MGRN1: variants seen among roughly 807,000 people sequenced by gnomAD.
MGRN1 encodes E3 ubiquitin-protein ligase MGRN1.
MGRN1 carries 29 observed loss-of-function variants against 69.2 expected under a neutral mutation model. That is an observed-to-expected ratio of 0.42 (90% CI 0.31 to 0.57). The LOEUF (loss-of-function observed/expected upper bound fraction) is 0.57, where lower values mean the gene tolerates loss of function less well. MGRN1 is among the 20% of genes least tolerant of loss of function. The pLI is 0.15. For missense variants in MGRN1, 998 were observed against 796.2 expected (o/e 1.25, Z -3.05); for synonymous variants, 470 against 344.2 (o/e 1.37, Z -4.04).
intron 1 of MGRN1, among the ~76,000 whole-genome samples, chr16:4,632,288 A>G (rs1898049631): frequency 8.9e-6 from 1 of 112,772 alleles, no homozygotes; most frequent in Non-Finnish European, 2.3e-5. Flanking sequence ...AGCTGGTATT[A>G]CAGGCATGAG....
At position 4,688,809 on chromosome 16, in the gene MGRN1, C is replaced by T. The variant is rs1287618844; in HGVS notation, c.1632C>T (p.Ser544=). The change falls in exon 17 of 17, where the codon TCC becomes TCT. Residue 544 remains serine (S), a synonymous_variant. Coordinates refer to ENST00000262370, the MANE Select transcript of MGRN1 (RefSeq NM_015246.4). The part of the protein sequence containing the change: ...ADIYLPGRPT[S]METAHGLATT... Reference sequence around the variant, plus strand: ...TCCCACCTGCAGGACGGCCCACCTCCATGGAGACGGCCCACGGCCTCGCCA... The same window carrying T: ...TCCCACCTGCAGGACGGCCCACCTCTATGGAGACGGCCCACGGCCTCGCCA... The T allele has an allele frequency of 1.9e-6, 3 of 1,551,256 alleles. No individual in the cohort carries two copies. The highest frequency in any genetic ancestry group is 2.4e-5 in the East Asian group (1 of 41,090).
intron 1 of MGRN1, among the ~76,000 whole-genome samples, chr16:4,638,011 C>T (rs995630200): frequency 1.3e-5 from 2 of 152,252 alleles, no homozygotes; most frequent in Admixed American, 1.3e-4. Context: ...CACTGGAAGC[C>T]AGAGCCCTGT....
In MGRN1 at chr16:4,688,967, G is replaced by A; in HGVS notation, c.*59G>A. ...GCTCCCCAGACTTTGCCGAGGGGCT[G>A]CTCCGGACCCCGTTGTGAGCCGGCC... On this transcript the variant is annotated 3_prime_UTR_variant, in exon 17 of 17. Transcript: ENST00000262370. 6 of 1,484,170 alleles carry A rather than the reference G, an allele frequency of 4.0e-6. No individual in the cohort carries two copies. Among genetic ancestry groups the A allele is most frequent in the Middle Eastern group, 2.1e-4 (1 of 4,830 alleles). 91.9% of individuals were successfully genotyped at this position (1,484,170 alleles called of 1,614,324 possible).
intron 4 of MGRN1, among the ~76,000 whole-genome samples, chr16:4,654,890 C>G (rs983185346): frequency 5.9e-5 from 9 of 152,198 alleles, no homozygotes; most frequent in African/African-American, 1.9e-4. Context: ...TGGAGCAGCA[C>G]TTTGGGGAGG....
At chr16:4,664,993 C>G (rs935254049) in intron 6 of MGRN1, 109 bp from the exon 7 acceptor site, 1 of 1,334,234 alleles carries the variant, frequency 7.5e-7, no homozygotes. Context: ...TCTATGGACT[C>G]TGTGCAGGCT....
chr16:4,687,919 C>G, intron 16 of MGRN1: 1 of 985,558 alleles, frequency 1.0e-6, no homozygotes, highest in South Asian at 4.7e-5. Flanking sequence ...CATTATACCC[C>G]TAGATTGAAA....
intron 5 of MGRN1, among the ~76,000 whole-genome samples, chr16:4,660,316 G>A (rs189824778): frequency 1.4e-4 from 21 of 152,362 alleles, no homozygotes; most frequent in Non-Finnish European, 2.8e-4. Context: ...CGAGGGGTCC[G>A]TGATCAGCAT....
intron 16 of MGRN1, among the ~76,000 whole-genome samples, chr16:4,685,377 G>C (rs2079287223): frequency 6.6e-6 from 1 of 152,244 alleles, no homozygotes; most frequent in Non-Finnish European, 1.5e-5. Flanking sequence ...ACACAGAGGA[G>C]GCCAGGACTC....
At position 4,687,312 on chromosome 16, in the gene MGRN1, G is replaced by A. The variant is rs114287408; in HGVS notation, c.1619-1484G>A. 3,073 of 981,074 alleles carry A rather than the reference G, an allele frequency of 3.1e-3. 86 individuals carry two copies. In the African/African-American group the frequency reaches 0.05, roughly 16 times the overall value. 60.8% of individuals were successfully genotyped at this position (981,074 alleles called of 1,614,324 possible). A position where few individuals can be genotyped will look rare whatever the true frequency, so the allele number is the denominator to read the frequency against. On this transcript the variant is annotated intron_variant, in intron 16 of 16. Transcript: ENST00000262370. ...CACCTATAAGCCCGGTACTTTGGGA[G>A]ACCGAGGGGATAGATCACTTGAGCC...
At chr16:4,654,119 A>G (rs761504899) in intron 4 of MGRN1, among the ~76,000 whole-genome samples, 17 of 152,018 alleles carry the variant, frequency 1.1e-4, no homozygotes, top group Non-Finnish European at 2.2e-4. Flanking sequence ...GTCTCTAATC[A>G]TGGCTTGGTC....
chr16:4,671,340 C>T, intron 8 of MGRN1, 51 bp from the exon 9 acceptor site: 1 of 1,579,528 alleles, frequency 6.3e-7, no homozygotes, highest in Non-Finnish European at 8.7e-7. Context: ...TATGGAGGAG[C>T]CCTCATATGG....
chr16:4,662,696 G>A (rs1260221265), intron 5 of MGRN1, among the ~76,000 whole-genome samples: 3 of 152,202 alleles, frequency 2.0e-5, no homozygotes, highest in Non-Finnish European at 2.9e-5. Context: ...AGGGAGGAGG[G>A]CCTGAGATGA....
chr16:4,644,625 G>A (rs762700134), intron 1 of MGRN1, among the ~76,000 whole-genome samples: 7 of 152,134 alleles, frequency 4.6e-5, no homozygotes, highest in Non-Finnish European at 7.4e-5. Context: ...TTTTTAAGTT[G>A]AGAAACCTTG....
intron 8 of MGRN1, among the ~76,000 whole-genome samples, chr16:4,670,815 C>A (rs967101605): frequency 1.3e-5 from 2 of 152,232 alleles, no homozygotes; most frequent in Non-Finnish European, 2.9e-5. Context: ...GAGAGCTGAC[C>A]AGCAGGCCCT....
At chr16:4,663,682 G>A (rs1054463197) in intron 5 of MGRN1, among the ~76,000 whole-genome samples, 6 of 152,166 alleles carry the variant, frequency 3.9e-5, no homozygotes, top group African/African-American at 1.4e-4. Context: ...TGGTTGCCAG[G>A]GTATGAGCAA....
At chr16:4,680,226 C>T (rs1276776478) in intron 12 of MGRN1, 129 bp downstream of exon 12, 3 of 885,376 alleles carry the variant, frequency 3.4e-6, no homozygotes, top group African/African-American at 1.7e-5. Context: ...TCCACTTGCC[C>T]AGTCCCGGCC....
intron 7 of MGRN1, 139 bp from the exon 8 acceptor site, chr16:4,668,124 CTT>C (rs375154638): frequency 0.014 from 7,253 of 515,424 alleles, 291 homozygotes; most frequent in African/African-American, 0.12. Flanking sequence ...TGGCCCCACC[CTT>C]TTTTTTTTTT....
chr16:4,662,115 T>C (rs2078695808), intron 5 of MGRN1, among the ~76,000 whole-genome samples: 1 of 152,238 alleles, frequency 6.6e-6, no homozygotes, highest in Non-Finnish European at 1.5e-5. Flanking sequence ...TCCTGACTGC[T>C]GTCTGTGGTC....
At chr16:4,631,567 A>G (rs1454891894) in intron 1 of MGRN1, among the ~76,000 whole-genome samples, 1 of 152,232 alleles carries the variant, frequency 6.6e-6, no homozygotes, top group Non-Finnish European at 1.5e-5. Flanking sequence ...CAGAATATCC[A>G]TAGTGCTTAG....
Sources: gnomAD v4.1 joint callset for allele counts (sites outside exome capture counted in the v4.1 genomes callset) on GRCh38, gnomAD v4.1.1 for gene constraint, MANE v1.5 for transcripts, NCBI Gene and HGNC (gene_info 2026-07-23, HGNC 2026-07-21) for gene names.